ARHGAP35: variants seen among roughly 807,000 people sequenced by gnomAD.
The protein encoded by ARHGAP35 is Rho GTPase activating protein 35, also known as rho GTPase-activating protein 35.
ARHGAP35 carries 15 observed loss-of-function variants against 111.1 expected under a neutral mutation model. The observed-to-expected ratio is 0.13, with a 90% CI of 0.09 to 0.21. The LOEUF (loss-of-function observed/expected upper bound fraction) is 0.21, where lower values mean the gene tolerates loss of function less well. Ranked by LOEUF, ARHGAP35 falls within the 10% of genes least tolerant of loss-of-function variation. The probability of loss-of-function intolerance (pLI) is 1.00; values close to 1 mark genes in which losing one functional copy is unlikely to be tolerated. For synonymous variants in ARHGAP35, 643 were observed against 710.3 expected, an observed-to-expected ratio of 0.91 and a Z score of 1.51; for missense variants, 1,262 against 1,873.0, an observed-to-expected ratio of 0.67 and a Z score of 6.02.
At position 46,928,572 on chromosome 19, in the gene ARHGAP35, C is replaced by T. The variant is rs143009044; in HGVS notation, c.3681+6216C>T. 9.2e-4 allele frequency among the ~76,000 whole-genome samples: 140 copies of T among 152,054 alleles called. 3 individuals carry two copies. In the East Asian group the frequency reaches 0.022, roughly 24 times the overall value. On this transcript the variant is annotated intron_variant, in intron 2 of 6. Transcript: ENST00000672722. ...GCTGTTTGGCTCCAGATCACACTGG[C>T]CACGAGTTGTCTTCTCGGGGGGGTG... is the stretch of plus-strand genomic sequence containing the variant.
intron 1 of ARHGAP35, among the ~76,000 whole-genome samples, chr19:46,905,372 CT>C (rs746861698): frequency 0.012 from 1,574 of 135,506 alleles, 5 homozygotes; most frequent in Non-Finnish European, 0.015. Flanking sequence ...AGAACTTAAA[CT>C]TTTTTTTTTT....
At chr19:46,942,666 C>A (rs536251019) in intron 3 of ARHGAP35, among the ~76,000 whole-genome samples, 2 of 151,124 alleles carry the variant, frequency 1.3e-5, no homozygotes, top group African/African-American at 4.9e-5. Context: ...AGCATGCATG[C>A]ATGCCAGGCA....
At chr19:46,870,527 C>T (rs1043437643) in intron 1 of ARHGAP35, among the ~76,000 whole-genome samples, 8 of 151,720 alleles carry the variant, frequency 5.3e-5, no homozygotes, top group African/African-American at 1.7e-4. Context: ...TGCAGTGAGC[C>T]GAGGTCGTGC....
intron 3 of ARHGAP35, among the ~76,000 whole-genome samples, chr19:46,983,904 T>C (rs893636814): frequency 1.3e-5 from 2 of 152,138 alleles, no homozygotes; most frequent in Non-Finnish European, 1.5e-5. Flanking sequence ...CATGAGCCAC[T>C]GCACCCAGCC....
Position 46,921,944 on chromosome 19 carries a change from C to A in ARHGAP35, c.3269C>A (p.Pro1090His). The A allele has an allele frequency of 1.9e-6, 3 of 1,613,982 alleles. No individual in the cohort carries two copies. Among genetic ancestry groups the A allele is most frequent in the Non-Finnish European group, 2.5e-6 (3 of 1,179,888 alleles). ...DGFDPSDYAEPMDAVVKPRNE... is the reference protein window; with the variant it reads ...DGFDPSDYAEHMDAVVKPRNE... ...TTTGATCCTTCTGACTATGCTGAAC[C>A]CATGGATGCTGTGGTGAAGCCAAGG... The change falls in exon 2 of 7, where the codon CCC becomes CAC. Residue 1090 changes from proline (P) to histidine (H), a missense_variant. By Grantham distance (77) the Pro-to-His change is moderately conservative. Transcript: ENST00000672722. The surrounding 1 kb of genome is among the most constrained non-coding windows in gnomAD (Gnocchi z 4.3).
chr19:46,930,385 C>A (rs181889316), intron 2 of ARHGAP35, among the ~76,000 whole-genome samples: 5 of 149,710 alleles, frequency 3.3e-5, no homozygotes, highest in African/African-American at 1.2e-4. Context: ...AAACCGAGTT[C>A]CGATGCCTGG....
chr19:46,989,675 A>G lies in ARHGAP35; in HGVS notation c.4036A>G (p.Lys1346Glu). The G allele has an allele frequency of 3.1e-6, 5 of 1,613,884 alleles. No homozygotes were observed. Among genetic ancestry groups the G allele is most frequent in the Non-Finnish European group, 4.2e-6 (5 of 1,179,820 alleles). Residue 1346 changes from lysine to glutamate, a missense_variant and splice_region_variant, in exon 5 of 7, where the codon AAA (lysine) becomes GAA (glutamate). This residue lies in a region of ARHGAP35 where 50 missense variants were observed against 60.5 expected (regional missense o/e 0.83). Transcript: ENST00000672722. The surrounding 1 kb of genome is among the most constrained non-coding windows in gnomAD (Gnocchi z 5.3). ...GCAGATCGACTTGGTGGAAGCACAC[A>G]GTGAGTACCGGCAGCCCAGTGTTGG... ...NMQIDLVEAH[K>E]INDREQKLHA...
At chr19:46,935,573 GC>G (rs1441688798) in intron 2 of ARHGAP35, among the ~76,000 whole-genome samples, 1 of 152,326 alleles carries the variant, frequency 6.6e-6, no homozygotes, top group Non-Finnish European at 1.5e-5. Flanking sequence ...CTGCGGCCTG[GC>G]GGTTCGTTGT....
chr19:47,001,350 T>C lies in ARHGAP35; in HGVS notation c.*662T>C. ...CCCACTCCACAGCCTTCCCGAAACA[T>C]TCCCTGGCAAACAAAGGAACACTAG... On this transcript the variant is annotated 3_prime_UTR_variant, in exon 7 of 7. Coordinates refer to ENST00000672722, the MANE Select transcript of ARHGAP35 (RefSeq NM_004491.5). This position sits in a 1 kb window ranked among gnomAD's most constrained non-coding sequence, Gnocchi z 5.4. 7.8e-7 allele frequency: 1 copy of C among 1,290,068 alleles called. No homozygotes were observed. The highest frequency in any genetic ancestry group is 1.2e-5 in the South Asian group (1 of 81,030). 79.9% of individuals were successfully genotyped at this position (1,290,068 alleles called of 1,614,324 possible). A position where few individuals can be genotyped will look rare whatever the true frequency, so the allele number is the denominator to read the frequency against.
chr19:46,970,846 A>G (rs2056543129), intron 3 of ARHGAP35, among the ~76,000 whole-genome samples: 1 of 152,088 alleles, frequency 6.6e-6, no homozygotes, highest in Non-Finnish European at 1.5e-5. Flanking sequence ...TTGAGCCTAG[A>G]TCAAATCATT....
At chr19:46,884,054 C>CA (rs1225620889) in intron 1 of ARHGAP35, among the ~76,000 whole-genome samples, 1 of 151,962 alleles carries the variant, frequency 6.6e-6, no homozygotes, top group East Asian at 1.9e-4. Flanking sequence ...GACTCCATCT[C>CA]AAAAAAACAT....
chr19:46,989,727 A>C lies in ARHGAP35; in HGVS notation c.4036+52A>C. 1 of 1,609,540 alleles carries C rather than the reference A, an allele frequency of 6.2e-7. No individual in the cohort carries two copies. The highest frequency in any genetic ancestry group is 1.1e-5 in the South Asian group (1 of 90,810). On this transcript the variant is annotated intron_variant, in intron 5 of 6. Transcript: ENST00000672722. This position sits in a 1 kb window ranked among gnomAD's most constrained non-coding sequence, Gnocchi z 5.3. The stretch of plus-strand genomic sequence containing the variant: ...CGGATTGAGGGAGAAAGGGCTTGGC[A>C]CTGGAAGAATAGGTCCTGCCCTCAG...
At chr19:46,950,394 A>G (rs779190544) in intron 3 of ARHGAP35, among the ~76,000 whole-genome samples, 3 of 152,166 alleles carry the variant, frequency 2.0e-5, no homozygotes, top group Non-Finnish European at 4.4e-5. Flanking sequence ...ATTCCTGTAC[A>G]TGAATTTTGG....
chr19:46,874,834 C>T (rs1399559236), intron 1 of ARHGAP35, among the ~76,000 whole-genome samples: 23 of 106,214 alleles, frequency 2.2e-4, no homozygotes, highest in Middle Eastern at 0.011. Flanking sequence ...TTTTTTGAGA[C>T]GGAGTCTTGC....
Position 47,000,744 on chromosome 19 carries a change from T to C in ARHGAP35, c.*56T>C, listed in dbSNP as rs2056743485. 18 of 1,524,974 alleles carry C rather than the reference T, an allele frequency of 1.2e-5. No individual in the cohort carries two copies. Among genetic ancestry groups the C allele is most frequent in the South Asian group, 1.1e-4 (9 of 79,468 alleles). 94.5% of individuals were successfully genotyped at this position (1,524,974 alleles called of 1,614,324 possible). A position where few individuals can be genotyped will look rare whatever the true frequency, so the allele number is the denominator to read the frequency against. The stretch of plus-strand genomic sequence containing the variant: ...GGTCCTCTCTCTGACGGGGTGGCAT[T>C]TGGCCTTGAACAAAACCAAGTCCAC... On this transcript the variant is annotated 3_prime_UTR_variant, in exon 7 of 7. Transcript: ENST00000672722. The surrounding 1 kb of genome is among the most constrained non-coding windows in gnomAD (Gnocchi z 6.9).
chr19:46,919,349 T>C lies in ARHGAP35; in HGVS notation c.674T>C (p.Val225Ala). The C allele has an allele frequency of 3.1e-6, 5 of 1,613,948 alleles. No homozygotes were observed. Among genetic ancestry groups the C allele is most frequent in the Non-Finnish European group, 4.2e-6 (5 of 1,179,882 alleles). The change falls in exon 2 of 7, where the codon GTT (valine) becomes GCT (alanine). Residue 225 changes from valine to alanine, a missense_variant. Coordinates refer to ENST00000672722, the MANE Select transcript of ARHGAP35 (RefSeq NM_004491.5). This position sits in a 1 kb window ranked among gnomAD's most constrained non-coding sequence, Gnocchi z 6.2. Reference sequence around the variant, plus strand: ...GCCTTAAGCAAAAAGAACCTCCAGGTTGTGGAGACCTCAGCGAGATCCAAT... The same window carrying C: ...GCCTTAAGCAAAAAGAACCTCCAGGCTGTGGAGACCTCAGCGAGATCCAAT... ...TFALSKKNLQ[V>A]VETSARSNVN...
rs145461246 is a variant in ARHGAP35 at position 46,973,266 on chromosome 19, G to A, written c.3827-14723G>A. 6.4e-3 allele frequency among the ~76,000 whole-genome samples: 971 copies of A among 152,330 alleles called. 9 individuals are homozygous for A. Among genetic ancestry groups the A allele is most frequent in the African/African-American group, 0.022 (926 of 41,580 alleles). ...TAATTCCAGCTACTCAGGAGGCTGA[G>A]GCAGGAGAATCTGCTTGAACCTGGG... is the stretch of plus-strand genomic sequence containing the variant. On this transcript the variant is annotated intron_variant, in intron 3 of 6. Coordinates refer to ENST00000672722, the MANE Select transcript of ARHGAP35 (RefSeq NM_004491.5).
rs2056684890 is a variant in ARHGAP35, at chr19:46,992,546, C to T, written c.4036+2871C>T. Among the ~76,000 whole-genome samples the T allele has an allele frequency of 6.6e-6, 1 of 152,056 alleles. No individual in the cohort carries two copies. The highest frequency in any genetic ancestry group is 1.5e-5 in the Non-Finnish European group (1 of 68,004). ...GGTTTCTCCCCGTCTCTGTGACTCC[C>T]TCCTCCCTGCCTATCTGGAGTCGAC... On this transcript the variant is annotated intron_variant, in intron 5 of 6. Coordinates refer to ENST00000672722, the MANE Select transcript of ARHGAP35 (RefSeq NM_004491.5). The surrounding 1 kb of genome is among the most constrained non-coding windows in gnomAD (Gnocchi z 4.4).
rs769044037 is a variant in ARHGAP35, at chr19:46,918,647, G to A, written c.-29G>A. 1.9e-6 allele frequency: 3 copies of A among 1,594,646 alleles called. No individual in the cohort carries two copies. The highest frequency in any genetic ancestry group is 2.6e-6 in the Non-Finnish European group (3 of 1,168,250). On this transcript the variant is annotated 5_prime_UTR_variant, in exon 2 of 7. The change creates a new upstream start codon in the 5' untranslated region. Coordinates refer to ENST00000672722, the MANE Select transcript of ARHGAP35 (RefSeq NM_004491.5). This position sits in a 1 kb window ranked among gnomAD's most constrained non-coding sequence, Gnocchi z 5.4. ...TGGAAACACTAATCTGATCTCAGAA[G>A]TGGCTGATCGTGGCAGGATGTGTCG...
Sources: allele counts gnomAD v4.1 joint callset (sites outside exome capture counted in the v4.1 genomes callset), GRCh38; gene constraint gnomAD v4.1.1; regional missense constraint gnomAD v4.1.1; non-coding constraint Gnocchi (gnomAD v3.1); transcripts MANE v1.5; gene names NCBI Gene and HGNC (gene_info 2026-07-23, HGNC 2026-07-21).